SPTB: variants seen among roughly 807,000 people sequenced by gnomAD.
SPTB encodes spectrin beta chain, erythrocytic.
Under a neutral mutation model 256.2 loss-of-function variants are expected in SPTB, and 45 were observed. That is an observed-to-expected ratio of 0.18 (90% CI 0.14 to 0.23). The LOEUF is 0.23. Among genes scored for constraint, SPTB ranks in the 10% least tolerant of loss-of-function variants. SPTB has a pLI of 1.00. For synonymous variants in SPTB, 1,231 were observed against 1,243.1 expected, an observed-to-expected ratio of 0.99 and a Z score of 0.21; for missense variants, 2,715 against 3,040.4, an observed-to-expected ratio of 0.89 and a Z score of 2.52.
Position 64,795,329 on chromosome 14 carries a change from G to A in SPTB, c.1644+8C>T, listed in dbSNP as rs764135360. The A allele has an allele frequency of 1.2e-6, 2 of 1,602,530 alleles. No homozygotes were observed. Among genetic ancestry groups the A allele is most frequent in the South Asian group, 2.2e-5 (2 of 90,926 alleles). ...CAGGGCATGGCGGGGGCGGCCCCCA[G>A]GGCCCACCTTGATCTCATCCATCCA... On this transcript the variant is annotated splice_region_variant and intron_variant, in intron 12 of 35. Transcript: ENST00000644917. The surrounding 1 kb of genome is among the most constrained non-coding windows in gnomAD (Gnocchi z 6.5).
chr14:64,752,424 C>T (rs940599518), intron 33 of SPTB: 12 of 436,394 alleles, frequency 2.7e-5, no homozygotes, highest in African/African-American at 8.6e-5. Flanking sequence ...AGCCATTTTA[C>T]GAAGCCCCAT....
At position 64,785,904 on chromosome 14, in the gene SPTB, T is replaced by C. The variant is rs916685191; in HGVS notation, c.3609A>G (p.Ala1203=). Residue 1203 remains alanine (A), a synonymous_variant, in exon 17 of 36, where the codon GCA becomes GCG. Coordinates refer to ENST00000644917, the MANE Select transcript of SPTB (RefSeq NM_001355436.2). The surrounding 1 kb of genome is among the most constrained non-coding windows in gnomAD (Gnocchi z 4.4). ...CCTCAAACTTCCGGATCCCAGCCTCTGCAGCTTCCAGGGAGTCTGGGGGCT... is the reference window on the plus strand; with the variant it reads ...CCTCAAACTTCCGGATCCCAGCCTCCGCAGCTTCCAGGGAGTCTGGGGGCT... The part of the protein sequence containing the change: ...HLEPPDSLEA[A]EAGIRKFEDF... The C allele has an allele frequency of 8.7e-6, 14 of 1,614,020 alleles. No individual in the cohort carries two copies. Among genetic ancestry groups the C allele is most frequent in the Non-Finnish European group, 1.2e-5 (14 of 1,180,014 alleles).
chr14:64,751,124 A>G (rs1461122759), intron 33 of SPTB, among the ~76,000 whole-genome samples: 1 of 146,930 alleles, frequency 6.8e-6, no homozygotes, highest in Non-Finnish European at 1.5e-5. Flanking sequence ...TAATATTTAT[A>G]TATAATATAC....
chr14:64,812,325 T>C (rs1284407494), intron 2 of SPTB, among the ~76,000 whole-genome samples: 4 of 152,218 alleles, frequency 2.6e-5, no homozygotes, highest in African/African-American at 9.6e-5. Context: ...CTTTCCTGCC[T>C]TAGGGATTTT....
Position 64,866,520 on chromosome 14 carries a change from C to T in SPTB, c.-52+13272G>A, listed in dbSNP as rs755568306. Among the ~76,000 whole-genome samples, 8 of 152,162 alleles carry T rather than the reference C, an allele frequency of 5.3e-5. No homozygotes were observed. Among genetic ancestry groups the T allele is most frequent in the Non-Finnish European group, 7.4e-5 (5 of 68,024 alleles). ...CACATACTCAGAGGCCTCGTAGCTC[C>T]ACTCACCGCCTCTGGAAGTTAAATA... On this transcript the variant is annotated intron_variant, in intron 1 of 35. Coordinates refer to ENST00000644917, the MANE Select transcript of SPTB (RefSeq NM_001355436.2). This position sits in a 1 kb window ranked among gnomAD's most constrained non-coding sequence, Gnocchi z 4.6.
chr14:64,786,989 G>A lies in SPTB; in HGVS notation c.2976C>T (p.Ala992=). 1 of 1,614,130 alleles carries A rather than the reference G, an allele frequency of 6.2e-7. No individual in the cohort carries two copies. The highest frequency in any genetic ancestry group is 1.3e-5 in the African/African-American group (1 of 75,056). ...DLGRDLAGII[A]IQRKLSGLER... is the part of the protein sequence containing the mutation. ...CCAGCCCTGACAACTTCCTCTGGAT[G>A]GCGATGATACCTGCCAGGTCCCGCC... The change falls in exon 16 of 36, where the codon GCC becomes GCT. Residue 992 remains alanine (A), a synonymous_variant. Transcript: ENST00000644917. The surrounding 1 kb of genome is among the most constrained non-coding windows in gnomAD (Gnocchi z 5.6).
rs543412752 is a variant in SPTB, at chr14:64,816,864, T to C, written c.148+6083A>G. Among the ~76,000 whole-genome samples, 63 of 152,208 alleles carry C rather than the reference T, an allele frequency of 4.1e-4. 1 individual carries two copies. The East Asian group carries it at 7.2e-3, about 17-fold the overall frequency. On this transcript the variant is annotated intron_variant, in intron 2 of 35. Coordinates refer to ENST00000644917, the MANE Select transcript of SPTB (RefSeq NM_001355436.2). The surrounding 1 kb of genome is among the most constrained non-coding windows in gnomAD (Gnocchi z 4.2). ...AGGGAGAATGGGTGCTGGCTTTTCC[T>C]GAGAGCCATAAACACAGACAAGGCC...
rs1267375288 is a variant in SPTB, at chr14:64,799,884, C to T, written c.927G>A (p.Gly309=). ...TCCAGGTGAGCAGGTCCGAGGCTAG[C>T]CCGCTGTACTTTTCAATCATCTTCT... The part of the protein sequence containing the change: ...ETEKMIEKYS[G]LASDLLTWIE... The change falls in exon 9 of 36, where the codon GGG becomes GGA. Residue 309 remains glycine, a synonymous_variant. Coordinates refer to ENST00000644917, the MANE Select transcript of SPTB (RefSeq NM_001355436.2). 1 of 1,614,134 alleles carries T rather than the reference C, an allele frequency of 6.2e-7. No homozygotes were observed. Among genetic ancestry groups the T allele is most frequent in the Non-Finnish European group, 8.5e-7 (1 of 1,180,048 alleles).
At chr14:64,837,226 T>C (rs1299991436) in intron 1 of SPTB, among the ~76,000 whole-genome samples, 1 of 152,202 alleles carries the variant, frequency 6.6e-6, no homozygotes, top group African/African-American at 2.4e-5. Flanking sequence ...GCTGGCCTCT[T>C]CATAACCAAG....
At chr14:64,768,135 G>A in intron 29 of SPTB, 1 of 504,678 alleles carries the variant, frequency 2.0e-6, no homozygotes, top group South Asian at 2.0e-5. Context: ...TCAGCCTCCT[G>A]GGTTCAAGTG....
chr14:64,799,976 T>G, intron 8 of SPTB, 42 bp from the exon 9 acceptor site: 1 of 1,606,128 alleles, frequency 6.2e-7, no homozygotes. Flanking sequence ...AGAAGGGCAA[T>G]GCCACCACTG....
At position 64,793,140 on chromosome 14, in the gene SPTB, C is replaced by T. The variant is rs1301778620; in HGVS notation, c.2523G>A (p.Gln841=). 2 of 1,614,138 alleles carry T rather than the reference C, an allele frequency of 1.2e-6. No homozygotes were observed. The highest frequency in any genetic ancestry group is 1.7e-6 in the Non-Finnish European group (2 of 1,180,048). Reference sequence around the variant, plus strand: ...GGTCCAGGGCTTCCTGCAGCCTCTGCTGACGCAGGTCCGCCTGGGCCACCA... The same window carrying T: ...GGTCCAGGGCTTCCTGCAGCCTCTGTTGACGCAGGTCCGCCTGGGCCACCA... ...QQVVAQADLR[Q]QRLQEALDLY... is the part of the protein sequence containing the mutation. The change falls in exon 14 of 36, where the codon CAG becomes CAA. Residue 841 remains glutamine (Q), a synonymous_variant. Transcript: ENST00000644917. The surrounding 1 kb of genome is among the most constrained non-coding windows in gnomAD (Gnocchi z 7.0).
intron 2 of SPTB, among the ~76,000 whole-genome samples, chr14:64,809,126 G>A (rs1419147410): frequency 6.6e-6 from 1 of 151,830 alleles, no homozygotes; most frequent in East Asian, 2.0e-4. Flanking sequence ...GCCAGGCATG[G>A]TGGCAAGAAC....
intron 32 of SPTB, among the ~76,000 whole-genome samples, chr14:64,765,025 C>CGTGTGTGCGT (rs1555366140): frequency 5.9e-5 from 7 of 118,254 alleles, no homozygotes; most frequent in African/African-American, 2.2e-4. Context: ...GGAGTGTGTG[C>CGTGTGTGCGT]GTGTGTGTGT....
At chr14:64,770,645 G>GTC (rs1056897840) in intron 27 of SPTB, among the ~76,000 whole-genome samples, 2 of 152,136 alleles carry the variant, frequency 1.3e-5, no homozygotes, top group Non-Finnish European at 2.9e-5. Flanking sequence ...AATGACAGAT[G>GTC]TCTCTCTCTC....
At chr14:64,851,761 G>A (rs577931382) in intron 1 of SPTB, among the ~76,000 whole-genome samples, 2 of 150,696 alleles carry the variant, frequency 1.3e-5, no homozygotes, top group East Asian at 3.9e-4. Context: ...ACTAACGCAG[G>A]AATAGAAAAC....
rs1313384246 is a variant in SPTB at position 64,785,257 on chromosome 14, T to C, written c.3855+280A>G. 6.6e-6 allele frequency among the ~76,000 whole-genome samples: 1 copy of C among 152,020 alleles called. No homozygotes were observed. The highest frequency in any genetic ancestry group is 6.5e-5 in the Admixed American group (1 of 15,268). ...ACACATCCTCAAAGCTGGCCCAGACTGGGTCCTAGGTGATTCTAAAATAGA... is the reference window on the plus strand; with the variant it reads ...ACACATCCTCAAAGCTGGCCCAGACCGGGTCCTAGGTGATTCTAAAATAGA... On this transcript the variant is annotated intron_variant, in intron 18 of 35. Coordinates refer to ENST00000644917, the MANE Select transcript of SPTB (RefSeq NM_001355436.2). This position sits in a 1 kb window ranked among gnomAD's most constrained non-coding sequence, Gnocchi z 4.4.
chr14:64,874,701 TA>T (rs1882723862), intron 1 of SPTB, among the ~76,000 whole-genome samples: 1 of 152,268 alleles, frequency 6.6e-6, no homozygotes, highest in Non-Finnish European at 1.5e-5. Context: ...TGCTTTGTTT[TA>T]TTTGAATTGC....
At chr14:64,803,552 G>A (rs1310066514) in intron 4 of SPTB, 55 bp downstream of exon 4, 1 of 1,606,914 alleles carries the variant, frequency 6.2e-7, no homozygotes, top group Non-Finnish European at 8.5e-7. Flanking sequence ...AAGATTCTAA[G>A]GCCCTGGGCA....
Sources: gnomAD v4.1 joint callset for allele counts (sites outside exome capture counted in the v4.1 genomes callset) on GRCh38, gnomAD v4.1.1 for gene constraint, Gnocchi (gnomAD v3.1) non-coding constraint, MANE v1.5 for transcripts, NCBI Gene and HGNC (gene_info 2026-07-23, HGNC 2026-07-21) for gene names.